The following SLCO3A1 variants were observed in gnomAD, a reference collection of about 807,000 sequenced individuals.
SLCO3A1 encodes PGE1 transporter.
A neutral mutation model predicts 63.1 loss-of-function variants in SLCO3A1; 27 were observed. The observed-to-expected ratio is 0.43, with a 90% CI of 0.32 to 0.59. SLCO3A1 has a LOEUF of 0.59. Ranked by LOEUF, SLCO3A1 falls within the 20% of genes least tolerant of loss-of-function variation. The pLI, the probability that SLCO3A1 is intolerant of heterozygous loss-of-function variation, is 0.09. For synonymous variants in SLCO3A1, 473 were observed against 409.9 expected (o/e 1.15, Z -1.86); for missense variants, 773 against 945.8 (o/e 0.82, Z 2.40).
At position 92,108,663 on chromosome 15, in the gene SLCO3A1, G is replaced by A. The variant is rs1023247267; in HGVS notation, c.1009+4121G>A. On this transcript the variant is annotated intron_variant, in intron 4 of 9. Coordinates refer to ENST00000318445, the MANE Select transcript of SLCO3A1 (RefSeq NM_013272.4). Reference sequence around the variant, plus strand: ...GAGAGGCCTTGATGGACATGACGAGGGTCTCTTCTGCAGCCGCATGTCCAT... The same window carrying A: ...GAGAGGCCTTGATGGACATGACGAGAGTCTCTTCTGCAGCCGCATGTCCAT... Among the ~76,000 whole-genome samples, 5 of 152,272 alleles carry A rather than the reference G, an allele frequency of 3.3e-5. No individual in the cohort carries two copies. In the East Asian group the frequency reaches 9.7e-4, roughly 29 times the overall value.
intron 5 of SLCO3A1, among the ~76,000 whole-genome samples, chr15:92,122,621 G>C (rs1398166743): frequency 6.6e-6 from 1 of 152,208 alleles, no homozygotes; most frequent in African/African-American, 2.4e-5. Context: ...CCATATGTCT[G>C]TGCTGTGACC....
At chr15:91,981,535 G>C (rs890486186) in intron 2 of SLCO3A1, among the ~76,000 whole-genome samples, 1 of 151,870 alleles carries the variant, frequency 6.6e-6, no homozygotes, top group Admixed American at 6.6e-5. Context: ...CTTCCTACCT[G>C]TGCGCATTCC....
intron 7 of SLCO3A1, among the ~76,000 whole-genome samples, chr15:92,143,918 A>G (rs1185015721): frequency 6.6e-6 from 1 of 152,162 alleles, no homozygotes; most frequent in Admixed American, 6.5e-5. Context: ...AGGAGATCTG[A>G]TGGGCACTCT....
In SLCO3A1 at chr15:91,859,226, C is replaced by T. The variant is rs564049392; in HGVS notation, c.180+5138C>T. 8.5e-5 allele frequency among the ~76,000 whole-genome samples: 13 copies of T among 152,168 alleles called. No individual in the cohort carries two copies. The highest frequency in any genetic ancestry group is 1.5e-4 in the Non-Finnish European group (10 of 68,032). Reference sequence around the variant, plus strand: ...CACATGGATTTGGAACCGTTCTCCCCTGAAGAAAATCTCGGTATTTTCTTG... The same window carrying T: ...CACATGGATTTGGAACCGTTCTCCCTTGAAGAAAATCTCGGTATTTTCTTG... On this transcript the variant is annotated intron_variant, in intron 1 of 9. Transcript: ENST00000318445. This position sits in a 1 kb window ranked among gnomAD's most constrained non-coding sequence, Gnocchi z 5.1.
chr15:92,012,742 T>TAAAAAAAAA, intron 2 of SLCO3A1, among the ~76,000 whole-genome samples: 1 of 126,694 alleles, frequency 7.9e-6, no homozygotes, highest in Non-Finnish European at 1.6e-5. Context: ...GTCTCTAATT[T>TAAAAAAAAA]AAAAAAAAAA....
intron 3 of SLCO3A1, among the ~76,000 whole-genome samples, chr15:92,101,466 A>G (rs2047603958): frequency 6.6e-6 from 1 of 151,964 alleles, no homozygotes; most frequent in Non-Finnish European, 1.5e-5. Flanking sequence ...CCAAGATCAC[A>G]CCACTGCACT....
intron 1 of SLCO3A1, among the ~76,000 whole-genome samples, chr15:91,861,401 G>C (rs761607270): frequency 6.6e-6 from 1 of 152,158 alleles, no homozygotes; most frequent in Non-Finnish European, 1.5e-5. Flanking sequence ...TGAGTCGAGT[G>C]CCTCTGAAAA....
intron 2 of SLCO3A1, among the ~76,000 whole-genome samples, chr15:91,960,050 C>T (rs1426985867): frequency 6.6e-6 from 1 of 152,062 alleles, no homozygotes; most frequent in Admixed American, 6.5e-5. Context: ...GTGGCACAAT[C>T]TCGGCTCACT....
At chr15:92,075,978 G>T (rs1243764224) in intron 2 of SLCO3A1, among the ~76,000 whole-genome samples, 1 of 152,182 alleles carries the variant, frequency 6.6e-6, no homozygotes, top group Admixed American at 6.5e-5. Context: ...AAATGAAGTT[G>T]GTCTGGCGTG....
rs565705817 is a variant in SLCO3A1 at position 91,945,438 on chromosome 15, T to C, written c.646+28980T>C. On this transcript the variant is annotated intron_variant, in intron 2 of 9. Coordinates refer to ENST00000318445, the MANE Select transcript of SLCO3A1 (RefSeq NM_013272.4). ...GACCCTGGCCTCGTTTACATTCTAATAGGGAAGACAGCCAAAAGTGAATGA... is the reference window on the plus strand; with the variant it reads ...GACCCTGGCCTCGTTTACATTCTAACAGGGAAGACAGCCAAAAGTGAATGA... 2.6e-5 allele frequency among the ~76,000 whole-genome samples: 4 copies of C among 151,900 alleles called. No individual in the cohort carries two copies. In the East Asian group the frequency reaches 7.7e-4, roughly 29 times the overall value.
chr15:91,870,143 A>G (rs1379973226), intron 1 of SLCO3A1, among the ~76,000 whole-genome samples: 3 of 152,196 alleles, frequency 2.0e-5, no homozygotes, highest in East Asian at 1.9e-4. Flanking sequence ...CGTCTAGTCT[A>G]TATCAAGGTA....
chr15:92,106,003 CATT>C (rs2047663268), intron 4 of SLCO3A1, among the ~76,000 whole-genome samples: 3 of 152,216 alleles, frequency 2.0e-5, no homozygotes, highest in Admixed American at 2.0e-4. Flanking sequence ...GCCCTGCGAT[CATT>C]AACTGCCCCC....
rs530732163 is a variant in SLCO3A1 at position 92,003,110 on chromosome 15, G to A, written c.646+86652G>A. 5.9e-5 allele frequency among the ~76,000 whole-genome samples: 9 copies of A among 152,138 alleles called. No homozygotes were observed. In the South Asian group the frequency reaches 8.3e-4, roughly 14 times the overall value. On this transcript the variant is annotated intron_variant, in intron 2 of 9. Transcript: ENST00000318445. The stretch of plus-strand genomic sequence containing the variant: ...CTCCATAGCAGGAAATTCATCTTAT[G>A]TATCTTTACGTGCCCAAGTCCCCCA...
At chr15:92,116,917 C>T (rs919518065) in intron 4 of SLCO3A1, among the ~76,000 whole-genome samples, 1 of 152,278 alleles carries the variant, frequency 6.6e-6, no homozygotes, top group African/African-American at 2.4e-5. Flanking sequence ...GTTCTTCATG[C>T]AAATAAGGCC....
intron 2 of SLCO3A1, among the ~76,000 whole-genome samples, chr15:91,978,788 A>G (rs1041540056): frequency 1.3e-5 from 2 of 152,260 alleles, no homozygotes; most frequent in Non-Finnish European, 2.9e-5. Context: ...GAGTCTCACA[A>G]AGGTTCAAAC....
intron 5 of SLCO3A1, among the ~76,000 whole-genome samples, chr15:92,125,665 A>G (rs1434842399): frequency 6.6e-6 from 1 of 151,716 alleles, no homozygotes; most frequent in Non-Finnish European, 1.5e-5. Flanking sequence ...CGCTTCCCAC[A>G]TCTCATCTCA....
rs141331591 is a variant in SLCO3A1, at chr15:91,892,560, A to G, written c.181-23433A>G. On this transcript the variant is annotated intron_variant, in intron 1 of 9. Coordinates refer to ENST00000318445, the MANE Select transcript of SLCO3A1 (RefSeq NM_013272.4). The stretch of plus-strand genomic sequence containing the variant: ...TTTGTGACATGAGTAGGAGGTAAGA[A>G]CAGCTTATTGTCCATAAAGGCATCC... Among the ~76,000 whole-genome samples the G allele has an allele frequency of 8.9e-3, 1,355 of 152,294 alleles. 14 individuals are homozygous for G. The highest frequency in any genetic ancestry group is 0.027 in the Middle Eastern group (8 of 294).
At chr15:92,127,697 T>C (rs2047942114) in intron 6 of SLCO3A1, among the ~76,000 whole-genome samples, 2 of 152,204 alleles carry the variant, frequency 1.3e-5, no homozygotes, top group Non-Finnish European at 2.9e-5. Context: ...TTGCTTGCTC[T>C]AGATAACTTT....
chr15:92,065,065 A>G (rs1350148913), intron 2 of SLCO3A1, among the ~76,000 whole-genome samples: 2 of 87,396 alleles, frequency 2.3e-5, no homozygotes, highest in East Asian at 3.9e-4. Context: ...CCGGTTACCC[A>G]CGTTTTTTGT....
Sources: allele counts gnomAD v4.1 joint callset (sites outside exome capture counted in the v4.1 genomes callset), GRCh38; gene constraint gnomAD v4.1.1; non-coding constraint Gnocchi (gnomAD v3.1); transcripts MANE v1.5; gene names NCBI Gene and HGNC (gene_info 2026-07-23, HGNC 2026-07-21).